Variants in DGCR8 observed in about 807,000 individuals in gnomAD.
DGCR8 encodes the protein DGCR8 microprocessor complex subunit.
In DGCR8, 14 loss-of-function variants were observed where a neutral mutation model predicts 78.5. The observed-to-expected ratio is 0.18, with a 90% CI of 0.12 to 0.28. The LOEUF (loss-of-function observed/expected upper bound fraction) is 0.28, where lower values mean the gene tolerates loss of function less well. Among genes scored for constraint, DGCR8 ranks in the 10% least tolerant of loss-of-function variants. The probability of loss-of-function intolerance (pLI) is 1.00; values close to 1 mark genes in which losing one functional copy is unlikely to be tolerated. For synonymous variants in DGCR8, 399 were observed against 402.4 expected (o/e 0.99, Z 0.10); for missense variants, 702 against 1,022.5 (o/e 0.69, Z 4.28).
At chr22:20,102,217 A>T (rs753169908) in intron 9 of DGCR8, 1 of 365,216 alleles carries the variant, frequency 2.7e-6, no homozygotes, top group Non-Finnish European at 3.8e-6. Context: ...GTACATTCCA[A>T]CATTCTTCTT....
chr22:20,084,665 T>C (rs938054114), intron 1 of DGCR8, among the ~76,000 whole-genome samples: 13 of 152,224 alleles, frequency 8.5e-5, no homozygotes, highest in Non-Finnish European at 1.5e-4. Flanking sequence ...CTCGCCAGGC[T>C]CCTGCCTGCA....
intron 9 of DGCR8, among the ~76,000 whole-genome samples, chr22:20,099,893 CCAGGATGATGGGATTA>C (rs907031146): frequency 2.6e-4 from 40 of 152,332 alleles, no homozygotes; most frequent in African/African-American, 9.6e-4. Context: ...CCTCAGCCTC[CCAGGATGATGGGATTA>C]CAGGCGTGAG....
intron 9 of DGCR8, among the ~76,000 whole-genome samples, chr22:20,105,931 A>G (rs373850371): frequency 6.2e-4 from 94 of 152,006 alleles, no homozygotes; most frequent in Middle Eastern, 3.4e-3. Flanking sequence ...CCCTCTTAGG[A>G]TACCAGACTC....
chr22:20,087,836 G>T lies in DGCR8; in HGVS notation c.880+515G>T, dbSNP rs564021643. Among the ~76,000 whole-genome samples, 1 of 152,330 alleles carries T rather than the reference G, an allele frequency of 6.6e-6. No homozygotes were observed. Among genetic ancestry groups the T allele is most frequent in the East Asian group, 1.9e-4 (1 of 5,182 alleles). The stretch of plus-strand genomic sequence containing the variant: ...AGCTGGGCAGGGTGGAAGTGCCCTG[G>T]TCGACGTGGCACTTCCTCAACTTTG... On this transcript the variant is annotated intron_variant, in intron 3 of 13. Transcript: ENST00000351989. This position sits in a 1 kb window ranked among gnomAD's most constrained non-coding sequence, Gnocchi z 4.1.
chr22:20,082,782 G>A (rs2049433057), intron 1 of DGCR8, among the ~76,000 whole-genome samples: 1 of 152,272 alleles, frequency 6.6e-6, no homozygotes, highest in Non-Finnish European at 1.5e-5. Context: ...CCTTGAGCAT[G>A]TGGGTGAACC....
intron 5 of DGCR8, among the ~76,000 whole-genome samples, chr22:20,090,692 A>G (rs2049545847): frequency 6.6e-6 from 1 of 152,158 alleles, no homozygotes; most frequent in Non-Finnish European, 1.5e-5. Flanking sequence ...TTCCCTCTTC[A>G]ATCCTGCAAT....
intron 9 of DGCR8, 42 bp downstream of exon 9, chr22:20,094,837 G>A (rs374877669): frequency 1.3e-6 from 2 of 1,576,370 alleles, no homozygotes; most frequent in Non-Finnish European, 1.7e-6. Context: ...TGTGTGTGCA[G>A]TGCGGCTACC....
In DGCR8 at chr22:20,089,616, C is replaced by T; in HGVS notation, c.881-53C>T. 2 of 1,598,944 alleles carry T rather than the reference C, an allele frequency of 1.3e-6. No homozygotes were observed. Among genetic ancestry groups the T allele is most frequent in the African/African-American group, 1.3e-5 (1 of 74,642 alleles). On this transcript the variant is annotated intron_variant, in intron 3 of 13. Transcript: ENST00000351989. The surrounding 1 kb of genome is among the most constrained non-coding windows in gnomAD (Gnocchi z 4.9). ...TCTTGTGCAGGAGGTGCTGTGGCAA[C>T]AATTCCAAGTGTTTTTACAGTGATT...
chr22:20,084,886 C>A (rs2049461042), intron 1 of DGCR8: 1 of 775,688 alleles, frequency 1.3e-6, no homozygotes, highest in Non-Finnish European at 1.6e-6. Context: ...TCTCCCCTCT[C>A]AAGTAGGAAC....
chr22:20,101,719 AT>A, intron 9 of DGCR8: 1 of 985,132 alleles, frequency 1.0e-6, no homozygotes, highest in Non-Finnish European at 1.2e-6. Flanking sequence ...GGAAGTTTCT[AT>A]TTGCTGGTCC....
At chr22:20,088,096 T>G (rs2049510056) in intron 3 of DGCR8, among the ~76,000 whole-genome samples, 1 of 152,090 alleles carries the variant, frequency 6.6e-6, no homozygotes, top group South Asian at 2.1e-4. Context: ...AGGGTGCGAC[T>G]GGGAGCAAAG....
intron 7 of DGCR8, 80 bp from the exon 8 acceptor site, chr22:20,092,729 T>A (rs1376685286): frequency 7.9e-7 from 1 of 1,259,636 alleles, no homozygotes; most frequent in Non-Finnish European, 1.1e-6. Flanking sequence ...CTGCGCCTTG[T>A]CTGTCGGTGT....
chr22:20,102,992 C>T (rs1013547084), intron 9 of DGCR8, among the ~76,000 whole-genome samples: 9 of 151,960 alleles, frequency 5.9e-5, no homozygotes, highest in Non-Finnish European at 1.3e-4. Context: ...ATTAGGTGGG[C>T]GTGGTGGCGG....
intron 9 of DGCR8, among the ~76,000 whole-genome samples, chr22:20,097,089 T>C (rs2147929680): frequency 6.6e-6 from 1 of 152,332 alleles, no homozygotes; most frequent in South Asian, 2.1e-4. Flanking sequence ...TTGTTAAGGA[T>C]TTTTGCATTT....
At chr22:20,082,184 G>A (rs1440771747) in intron 1 of DGCR8, among the ~76,000 whole-genome samples, 2 of 151,438 alleles carry the variant, frequency 1.3e-5, no homozygotes, top group African/African-American at 2.4e-5. Context: ...AGCCTCCCAA[G>A]TAGCTGGGAC....
At position 20,110,226 on chromosome 22, in the gene DGCR8, A is replaced by G. The variant is rs575672081; in HGVS notation, c.*118A>G. 3.9e-5 allele frequency: 41 copies of G among 1,039,526 alleles called. No individual in the cohort carries two copies. In the African/African-American group the frequency reaches 6.3e-4, roughly 16 times the overall value. 64.4% of individuals were successfully genotyped at this position (1,039,526 alleles called of 1,614,324 possible). A position where few individuals can be genotyped will look rare whatever the true frequency, so the allele number is the denominator to read the frequency against. On this transcript the variant is annotated 3_prime_UTR_variant, in exon 14 of 14. Transcript: ENST00000351989. Reference sequence around the variant, plus strand: ...AACCCACGCTCCTTCCCTGTGGCCAACCTGTGGGCCCGGCCTTAGGGTGGA... The same window carrying G: ...AACCCACGCTCCTTCCCTGTGGCCAGCCTGTGGGCCCGGCCTTAGGGTGGA...
rs2049403154 is a variant in DGCR8 at position 20,080,383 on chromosome 22, G to C, written c.-278G>C. ...GCTTGGGCAGCCCGCGGGCGCCTCA[G>C]GTAGGTGCGGGGCGCGAGGGGCGCC... On this transcript the variant is annotated splice_region_variant and 5_prime_UTR_variant, in exon 1 of 14. Transcript: ENST00000351989. 1.1e-6 allele frequency: 1 copy of C among 937,076 alleles called. No homozygotes were observed. The highest frequency in any genetic ancestry group is 2.3e-5 in the African/African-American group (1 of 42,756). 58.0% of individuals were successfully genotyped at this position (937,076 alleles called of 1,614,324 possible).
At chr22:20,108,646 G>C in intron 12 of DGCR8, 2 of 331,714 alleles carry the variant, frequency 6.0e-6, no homozygotes, top group South Asian at 4.6e-5. Flanking sequence ...TAAGTGGCGT[G>C]GTGTGGGCAG....
intron 8 of DGCR8, 80 bp downstream of exon 8, chr22:20,092,987 A>G: frequency 1.0e-6 from 1 of 1,003,986 alleles, no homozygotes; most frequent in Non-Finnish European, 1.5e-6. Context: ...GGGGCTGAGC[A>G]GTGGTGACAA....
Sources: allele counts gnomAD v4.1 joint callset (sites outside exome capture counted in the v4.1 genomes callset), GRCh38; gene constraint gnomAD v4.1.1; non-coding constraint Gnocchi (gnomAD v3.1); transcripts MANE v1.5; gene names NCBI Gene and HGNC (gene_info 2026-07-23, HGNC 2026-07-21).